Variants in PAM observed in about 807,000 individuals in gnomAD.
The protein encoded by PAM is peptidyl-glycine alpha-amidating monooxygenase.
A neutral mutation model predicts 122.1 loss-of-function variants in PAM; 72 were observed. The ratio of observed to expected loss-of-function variants is 0.59; its 90% CI spans 0.49 to 0.72. PAM has a LOEUF of 0.72. Ranked by LOEUF, PAM falls within the 30% of genes least tolerant of loss-of-function variation. The pLI is 0.00. For missense variants in PAM, 1,106 were observed against 1,183.7 expected, an observed-to-expected ratio of 0.93 and a Z score of 0.96; for synonymous variants, 389 against 404.4, an observed-to-expected ratio of 0.96 and a Z score of 0.46.
chr5:102,994,012 C>T (rs1160185598), intron 16 of PAM, among the ~76,000 whole-genome samples: 1 of 152,036 alleles, frequency 6.6e-6, no homozygotes, highest in Non-Finnish European at 1.5e-5. Context: ...AAGCAATGGG[C>T]TGACAGTGGA....
chr5:102,858,933 A>T (rs1346195478), intron 1 of PAM, among the ~76,000 whole-genome samples: 2 of 152,160 alleles, frequency 1.3e-5, no homozygotes, highest in Non-Finnish European at 2.9e-5. Flanking sequence ...AATTCCTATC[A>T]CCTAGTAACA....
At chr5:102,882,518 T>C (rs1019645161) in intron 3 of PAM, among the ~76,000 whole-genome samples, 4 of 152,106 alleles carry the variant, frequency 2.6e-5, no homozygotes, top group Non-Finnish European at 5.9e-5. Flanking sequence ...CATTTGTATA[T>C]ATTCTTTTGA....
At chr5:102,995,039 T>G (rs1256667719) in intron 16 of PAM, among the ~76,000 whole-genome samples, 1 of 152,136 alleles carries the variant, frequency 6.6e-6, no homozygotes, top group South Asian at 2.1e-4. Context: ...GATCTATTGT[T>G]TTAGAAATCT....
chr5:102,818,024 CAAAAAAAA>C (rs753744226), intron 1 of PAM, among the ~76,000 whole-genome samples: 2 of 55,464 alleles, frequency 3.6e-5, no homozygotes, highest in African/African-American at 1.2e-4. Context: ...TTTTTTTTCT[CAAAAAAAA>C]AAAAAAAAAA....
intron 1 of PAM, among the ~76,000 whole-genome samples, chr5:102,860,151 G>A (rs150722770): frequency 3.1e-4 from 47 of 152,298 alleles, no homozygotes; most frequent in Non-Finnish European, 5.4e-4. Flanking sequence ...GGGCAAAGCA[G>A]GGTAGAAATT....
chr5:102,827,621 G>A (rs686043), intron 1 of PAM, among the ~76,000 whole-genome samples: 102,738 of 148,798 alleles, frequency 0.69, 35,938 homozygotes, highest in South Asian at 0.81. Context: ...GGATTCCAGT[G>A]GAATGTAAAA....
chr5:102,938,324 G>A (rs933219803), intron 7 of PAM, among the ~76,000 whole-genome samples: 1 of 152,130 alleles, frequency 6.6e-6, no homozygotes, highest in East Asian at 1.9e-4. Flanking sequence ...CCTAAATATG[G>A]CCATTATGTA....
At chr5:103,019,485 T>G (rs1782959911) in intron 22 of PAM, among the ~76,000 whole-genome samples, 1 of 152,154 alleles carries the variant, frequency 6.6e-6, no homozygotes, top group Admixed American at 6.5e-5. Flanking sequence ...CAGTCTAAGA[T>G]ATTGTCCACA....
At chr5:102,782,725 CTGTGTG>C (rs35149404) in intron 1 of PAM, among the ~76,000 whole-genome samples, 1,599 of 140,144 alleles carry the variant, frequency 0.011, 21 homozygotes, top group African/African-American at 0.038. Flanking sequence ...CTCTCTCTCT[CTGTGTG>C]TGTGTGTGTG....
chr5:102,768,577 G>A (rs1754827438), intron 1 of PAM, among the ~76,000 whole-genome samples: 1 of 152,092 alleles, frequency 6.6e-6, no homozygotes, highest in Non-Finnish European at 1.5e-5. Context: ...ACAAATAAGT[G>A]AGAACATGCA....
At chr5:102,886,188 TG>T (rs1793026840) in intron 3 of PAM, among the ~76,000 whole-genome samples, 2 of 152,214 alleles carry the variant, frequency 1.3e-5, no homozygotes, top group African/African-American at 4.8e-5. Context: ...TGTGATTTGC[TG>T]TCCTGTTTAC....
chr5:102,878,417 A>G (rs1028018754), intron 3 of PAM, among the ~76,000 whole-genome samples: 1 of 152,186 alleles, frequency 6.6e-6, no homozygotes, highest in Non-Finnish European at 1.5e-5. Context: ...AATACTTGAT[A>G]ATGAACGACT....
intron 24 of PAM, among the ~76,000 whole-genome samples, chr5:103,027,436 A>G (rs1055506217): frequency 1.3e-5 from 2 of 152,164 alleles, no homozygotes; most frequent in African/African-American, 4.8e-5. Flanking sequence ...TTTCCTGACC[A>G]TAGCCCTTGA....
At chr5:102,780,135 TATCCAC>T (rs903944965) in intron 1 of PAM, among the ~76,000 whole-genome samples, 1 of 151,948 alleles carries the variant, frequency 6.6e-6, no homozygotes, top group African/African-American at 2.4e-5. Flanking sequence ...TTGTCCACTG[TATCCAC>T]ATTACATATG....
intron 3 of PAM, 99 bp downstream of exon 3, chr5:102,867,492 GTAGGCATTTGCT>G: frequency 1.3e-6 from 1 of 763,912 alleles, no homozygotes; most frequent in Non-Finnish European, 2.1e-6. Context: ...TTCTTTAAAC[GTAGGCATTTGCT>G]TTCAAGACTC....
chr5:102,923,522 A>G (rs2151697297), intron 5 of PAM, among the ~76,000 whole-genome samples: 1 of 152,336 alleles, frequency 6.6e-6, no homozygotes, highest in Middle Eastern at 3.4e-3. Context: ...CAGTTTTCAA[A>G]ACACAAATAC....
At chr5:102,817,080 A>C (rs944753304) in intron 1 of PAM, among the ~76,000 whole-genome samples, 9 of 151,574 alleles carry the variant, frequency 5.9e-5, no homozygotes, top group African/African-American at 1.9e-4. Flanking sequence ...TCTCACTCTC[A>C]CTCATGAGAT....
chr5:102,757,795 C>A (rs1300395654), intron 1 of PAM, among the ~76,000 whole-genome samples: 1 of 151,998 alleles, frequency 6.6e-6, no homozygotes, highest in African/African-American at 2.4e-5. Context: ...AATCCCAACA[C>A]TTTGAGAGGC....
intron 6 of PAM, among the ~76,000 whole-genome samples, chr5:102,925,798 A>G (rs1253259911): frequency 6.6e-6 from 1 of 151,986 alleles, no homozygotes; most frequent in African/African-American, 2.4e-5. Flanking sequence ...AAAAAAGTAT[A>G]CTTCTGCCTG....
Sources: allele counts gnomAD v4.1 joint callset (sites outside exome capture counted in the v4.1 genomes callset), GRCh38; gene constraint gnomAD v4.1.1; transcripts MANE v1.5; gene names NCBI Gene and HGNC (gene_info 2026-07-23, HGNC 2026-07-21).